KHDRBS2: variants seen among roughly 807,000 people sequenced by gnomAD.
KHDRBS2 encodes the protein KH domain-containing, RNA-binding, signal transduction-associated protein 2.
Under a neutral mutation model 44.3 loss-of-function variants are expected in KHDRBS2, and 26 were observed. That is an observed-to-expected ratio of 0.59 (90% CI 0.43 to 0.81). The LOEUF is 0.81. Ranked by LOEUF, KHDRBS2 falls within the 40% of genes least tolerant of loss-of-function variation. KHDRBS2 has a pLI of 0.00. For missense variants in KHDRBS2, 476 were observed against 433.1 expected, an observed-to-expected ratio of 1.10 and a Z score of -0.88; for synonymous variants, 194 against 151.1, an observed-to-expected ratio of 1.28 and a Z score of -2.08.
At chr6:62,208,533 A>G (rs1279943489) in intron 1 of KHDRBS2, among the ~76,000 whole-genome samples, 1 of 152,208 alleles carries the variant, frequency 6.6e-6, no homozygotes, top group African/African-American at 2.4e-5. Flanking sequence ...ATAATGCTGC[A>G]ATGAACATGG....
At chr6:62,071,096 T>C (rs558923231) in intron 2 of KHDRBS2, among the ~76,000 whole-genome samples, 1 of 152,200 alleles carries the variant, frequency 6.6e-6, no homozygotes, top group Non-Finnish European at 1.5e-5. Flanking sequence ...CAAGTGATGA[T>C]GAGCATTTTT....
At chr6:61,683,692 A>G (rs1399191764) in intron 8 of KHDRBS2, among the ~76,000 whole-genome samples, 1 of 151,912 alleles carries the variant, frequency 6.6e-6, no homozygotes, top group Non-Finnish European at 1.5e-5. Flanking sequence ...ATTGAATTCA[A>G]TGAAGTAATC....
intron 3 of KHDRBS2, among the ~76,000 whole-genome samples, chr6:62,010,170 C>T (rs1432281325): frequency 6.6e-6 from 1 of 152,130 alleles, no homozygotes. Context: ...CTTGCAACAG[C>T]GTGACCTGGA....
chr6:61,914,887 T>C (rs1040701592), intron 4 of KHDRBS2, among the ~76,000 whole-genome samples: 14 of 152,036 alleles, frequency 9.2e-5, no homozygotes, highest in African/African-American at 3.1e-4. Context: ...AAAAACAGAG[T>C]TGAGAACTTG....
chr6:62,021,926 A>G (rs200221601), intron 3 of KHDRBS2, among the ~76,000 whole-genome samples: 10 of 22,066 alleles, frequency 4.5e-4, no homozygotes, highest in African/African-American at 1.5e-3. Context: ...TTTTTTGTGT[A>G]TATATATATA....
the KHDRBS2 span, among the ~76,000 whole-genome samples, chr6:61,566,470 C>G: frequency 6.6e-6 from 1 of 152,156 alleles, no homozygotes; most frequent in African/African-American, 2.4e-5. Context: ...GATCATTACA[C>G]ATTCTTTCTT....
the KHDRBS2 span, among the ~76,000 whole-genome samples, chr6:61,591,492 G>A: frequency 3.3e-5 from 5 of 152,112 alleles, no homozygotes; most frequent in South Asian, 8.3e-4. Context: ...GATATTTCCT[G>A]TTGGAGAAAC....
the KHDRBS2 span, among the ~76,000 whole-genome samples, chr6:61,549,475 C>T: frequency 6.6e-6 from 1 of 152,174 alleles, no homozygotes; most frequent in African/African-American, 2.4e-5. Flanking sequence ...AAGCCCATTG[C>T]ATGTTAATAT....
intron 1 of KHDRBS2, among the ~76,000 whole-genome samples, chr6:62,184,288 C>A (rs75491306): frequency 6.6e-6 from 1 of 151,528 alleles, no homozygotes; most frequent in Non-Finnish European, 1.5e-5. Flanking sequence ...TACAAGGAAA[C>A]GACTTTGCAC....
chr6:61,716,438 T>G (rs961203031), intron 7 of KHDRBS2, among the ~76,000 whole-genome samples: 3 of 151,942 alleles, frequency 2.0e-5, no homozygotes, highest in African/African-American at 7.2e-5. Context: ...ATAGTAAAAA[T>G]GGTTGTTCTA....
intron 6 of KHDRBS2, among the ~76,000 whole-genome samples, chr6:61,841,398 A>G (rs997382928): frequency 6.6e-6 from 1 of 152,088 alleles, no homozygotes; most frequent in Non-Finnish European, 1.5e-5. Flanking sequence ...GAATACATTT[A>G]TAACATAAAA....
rs58133580 is a variant in KHDRBS2, at chr6:62,048,121, T to TACACACACACAC, written c.220-139_220-128dup. 1,212 of 405,538 alleles carry TACACACACACAC rather than the reference T, an allele frequency of 3.0e-3. 18 individuals are homozygous for TACACACACACAC. The highest frequency in any genetic ancestry group is 0.023 in the African/African-American group (1,035 of 45,534). 25.1% of individuals were successfully genotyped at this position (405,538 alleles called of 1,614,324 possible). A position where few individuals can be genotyped will look rare whatever the true frequency, so the allele number is the denominator to read the frequency against. ...TGAGAAGAGAGTCATGCCATAAACA[T>TACACACACACAC]ACACACACACACACACACACACACA... On this transcript the variant is annotated intron_variant, in intron 2 of 8. Coordinates refer to ENST00000281156, the MANE Select transcript of KHDRBS2 (RefSeq NM_152688.4).
At chr6:61,765,847 A>AG (rs1779933852) in intron 6 of KHDRBS2, among the ~76,000 whole-genome samples, 1 of 152,134 alleles carries the variant, frequency 6.6e-6, no homozygotes, top group Non-Finnish European at 1.5e-5. Flanking sequence ...GTCATGATGA[A>AG]TGATCTTTTT....
At chr6:61,782,849 A>G (rs1783222387) in intron 6 of KHDRBS2, among the ~76,000 whole-genome samples, 1 of 151,506 alleles carries the variant, frequency 6.6e-6, no homozygotes, top group South Asian at 2.1e-4. Context: ...GGTTGGGTCC[A>G]CATGTCTCTC....
intron 7 of KHDRBS2, among the ~76,000 whole-genome samples, chr6:61,709,280 T>C (rs1330389451): frequency 1.3e-5 from 2 of 151,646 alleles, no homozygotes; most frequent in Non-Finnish European, 3.0e-5. Context: ...TGGTATTTAA[T>C]GTTCACAGGA....
At chr6:61,693,270 C>T (rs1767564518) in intron 8 of KHDRBS2, among the ~76,000 whole-genome samples, 1 of 152,092 alleles carries the variant, frequency 6.6e-6, no homozygotes, top group Non-Finnish European at 1.5e-5. Flanking sequence ...TTATAAGCAA[C>T]TTATCACCAA....
chr6:61,791,446 T>A (rs1181351520), intron 6 of KHDRBS2, among the ~76,000 whole-genome samples: 2 of 151,550 alleles, frequency 1.3e-5, no homozygotes, highest in African/African-American at 2.4e-5. Flanking sequence ...CATTGAATTA[T>A]AAATATTTTT....
At chr6:62,131,435 A>G (rs1810292506) in intron 2 of KHDRBS2, among the ~76,000 whole-genome samples, 1 of 152,228 alleles carries the variant, frequency 6.6e-6, no homozygotes, top group African/African-American at 2.4e-5. Context: ...TAGGGGCAGT[A>G]CAAGTGAATC....
At chr6:62,239,316 T>C (rs1007636127) in intron 1 of KHDRBS2, among the ~76,000 whole-genome samples, 19 of 152,160 alleles carry the variant, frequency 1.2e-4, no homozygotes, top group Admixed American at 1.2e-3. Flanking sequence ...CTGACACCTG[T>C]AATCCTAGCA....
Sources: gnomAD v4.1 joint callset for allele counts (sites outside exome capture counted in the v4.1 genomes callset) on GRCh38, gnomAD v4.1.1 for gene constraint, MANE v1.5 for transcripts, NCBI Gene and HGNC (gene_info 2026-07-23, HGNC 2026-07-21) for gene names.